Variants in ZC3H12D observed in about 807,000 individuals in gnomAD.
The protein encoded by ZC3H12D is probable ribonuclease ZC3H12D.
Under a neutral mutation model 24.2 loss-of-function variants are expected in ZC3H12D, and 11 were observed. That is an observed-to-expected ratio of 0.46 (90% CI 0.29 to 0.75). The LOEUF is 0.75. ZC3H12D is among the 30% of genes least tolerant of loss of function. The pLI is 0.11. For synonymous variants in ZC3H12D, 333 were observed against 341.8 expected, an observed-to-expected ratio of 0.97 and a Z score of 0.28; for missense variants, 740 against 767.7, an observed-to-expected ratio of 0.96 and a Z score of 0.43.
At chr6:149,480,634 A>G (rs775102188) in intron 1 of ZC3H12D, among the ~76,000 whole-genome samples, 8 of 152,126 alleles carry the variant, frequency 5.3e-5, no homozygotes, top group Non-Finnish European at 8.8e-5. Flanking sequence ...TACTCAGGAG[A>G]CTGAGGCAGG....
rs149766923 is a variant in ZC3H12D at position 149,470,907 on chromosome 6, C to T, written c.305+3332G>A. ...GCAGGGGTGGGCCTTGCCCTCACTG[C>T]GGGGAGTTGTGTTGGGCAGCCCTGG... On this transcript the variant is annotated intron_variant, in intron 2 of 5. Transcript: ENST00000409806. Among the ~76,000 whole-genome samples the T allele has an allele frequency of 3.0e-3, 458 of 152,338 alleles. 2 individuals carry two copies. Among genetic ancestry groups the T allele is most frequent in the African/African-American group, 0.011 (442 of 41,568 alleles).
chr6:149,466,294 G>A (rs555245735), intron 2 of ZC3H12D, among the ~76,000 whole-genome samples: 4 of 151,514 alleles, frequency 2.6e-5, no homozygotes, highest in Admixed American at 6.6e-5. Flanking sequence ...GGGAGGGGGC[G>A]GAGAGGAACC....
At chr6:149,462,629 T>C (rs1303650764) in intron 2 of ZC3H12D, among the ~76,000 whole-genome samples, 1 of 152,142 alleles carries the variant, frequency 6.6e-6, no homozygotes, top group Non-Finnish European at 1.5e-5. Flanking sequence ...TTTGAGTCAG[T>C]GGACTGGGAG....
At chr6:149,467,502 T>C (rs1229192659) in intron 2 of ZC3H12D, among the ~76,000 whole-genome samples, 1 of 152,150 alleles carries the variant, frequency 6.6e-6, no homozygotes, top group African/African-American at 2.4e-5. Context: ...GATCCTCCCA[T>C]GTTGGCCTCC....
chr6:149,460,627 G>A (rs1776057222), intron 3 of ZC3H12D, among the ~76,000 whole-genome samples: 1 of 152,034 alleles, frequency 6.6e-6, no homozygotes, highest in Non-Finnish European at 1.5e-5. Flanking sequence ...CTGAGGTCAG[G>A]AGTTCAAGAC....
intron 1 of ZC3H12D, among the ~76,000 whole-genome samples, chr6:149,477,754 T>C (rs1300097043): frequency 6.6e-6 from 1 of 152,212 alleles, no homozygotes; most frequent in Admixed American, 6.5e-5. Flanking sequence ...TTAAGTGCTA[T>C]GGGAACTCAG....
chr6:149,451,685 G>T (rs573749262), intron 5 of ZC3H12D, among the ~76,000 whole-genome samples: 1 of 152,300 alleles, frequency 6.6e-6, no homozygotes, highest in Non-Finnish European at 1.5e-5. Context: ...GGGGAGAAGT[G>T]CCCGGGAGGC....
At position 149,450,938 on chromosome 6, in the gene ZC3H12D, G is replaced by A; in HGVS notation, c.1329C>T (p.Ser443=). 1 of 1,538,782 alleles carries A rather than the reference G, an allele frequency of 6.5e-7. No homozygotes were observed. Among genetic ancestry groups the A allele is most frequent in the Non-Finnish European group, 8.7e-7 (1 of 1,145,320 alleles). Residue 443 remains serine (S), a synonymous_variant, in exon 6 of 6, where the codon TCC becomes TCT. Transcript: ENST00000409806. ...PDDPWARPPR[S]DRFPGRSVWA... is the part of the protein sequence containing the mutation. Reference sequence around the variant, plus strand: ...AGACGGAGCGCCCAGGGAAGCGGTCGGAGCGGGGTGGACGGGCCCACGGGT... The same window carrying A: ...AGACGGAGCGCCCAGGGAAGCGGTCAGAGCGGGGTGGACGGGCCCACGGGT...
Position 149,456,616 on chromosome 6 carries a change from G to GCCCCCCCCCCCCCCCCCCCCC in ZC3H12D, c.680+49_680+50insGGGGGGGGGGGGGGGGGGGGG. On this transcript the variant is annotated intron_variant, in intron 4 of 5. Transcript: ENST00000409806. The surrounding 1 kb of genome is among the most constrained non-coding windows in gnomAD (Gnocchi z 4.3). ...AGGCGTGGCCACTGCCTCGACCCCGGCCCCCCGCCCCGCCGCCCCCCAGGG... is the reference window on the plus strand; with the variant it reads ...AGGCGTGGCCACTGCCTCGACCCCGGCCCCCCCCCCCCCCCCCCCCCCCCCCCGCCCCGCCGCCCCCCAGGG... The GCCCCCCCCCCCCCCCCCCCCC allele has an allele frequency of 2.7e-6, 3 of 1,130,410 alleles. No individual in the cohort carries two copies. Among genetic ancestry groups the GCCCCCCCCCCCCCCCCCCCCC allele is most frequent in the East Asian group, 2.5e-5 (1 of 39,792 alleles). 70.0% of individuals were successfully genotyped at this position (1,130,410 alleles called of 1,614,324 possible).
chr6:149,466,969 G>T (rs1583189151), intron 2 of ZC3H12D, among the ~76,000 whole-genome samples: 2 of 151,706 alleles, frequency 1.3e-5, no homozygotes, highest in East Asian at 3.9e-4. Flanking sequence ...TTTTTTCAGG[G>T]TCTCCTTCCA....
intron 2 of ZC3H12D, among the ~76,000 whole-genome samples, chr6:149,473,164 C>T (rs1489321335): frequency 3.3e-5 from 5 of 151,806 alleles, no homozygotes; most frequent in African/African-American, 1.2e-4. Flanking sequence ...AAGTACACAC[C>T]GCAAAAAGTG....
rs531822924 is a variant in ZC3H12D at position 149,481,772 on chromosome 6, C to T, written c.-71+3041G>A. ...TCCCGAGGGTGAGGAAACTGAGGCTCGGAAAGTAAAGGCTGCATGGCTAGT... is the reference window on the plus strand; with the variant it reads ...TCCCGAGGGTGAGGAAACTGAGGCTTGGAAAGTAAAGGCTGCATGGCTAGT... On this transcript the variant is annotated intron_variant, in intron 1 of 5. Coordinates refer to ENST00000409806, the MANE Select transcript of ZC3H12D (RefSeq NM_207360.3). Among the ~76,000 whole-genome samples, 4 of 152,198 alleles carry T rather than the reference C, an allele frequency of 2.6e-5. No homozygotes were observed. In the South Asian group the frequency reaches 8.3e-4, roughly 32 times the overall value.
In ZC3H12D at chr6:149,456,879, A is replaced by C; in HGVS notation, c.467T>G (p.Leu156Arg). The change falls in exon 4 of 6, where the codon CTG (leucine) becomes CGG (arginine). Residue 156 changes from leucine (L) to arginine (R), a missense_variant. Physicochemically the swap from Leu to Arg is moderately radical, Grantham distance 102. Coordinates refer to ENST00000409806, the MANE Select transcript of ZC3H12D (RefSeq NM_207360.3). The surrounding 1 kb of genome is among the most constrained non-coding windows in gnomAD (Gnocchi z 4.3). The part of the protein sequence containing the change: ...PIREQHVLAE[L>R]ERQAVLVYTP... The stretch of plus-strand genomic sequence containing the variant: ...GTACACCAGCACCGCCTGCCGCTCC[A>C]GCTCCGCCAGCACGTGCTGCTCTGA... 2 of 1,603,354 alleles carry C rather than the reference A, an allele frequency of 1.2e-6. No individual in the cohort carries two copies. The highest frequency in any genetic ancestry group is 1.7e-6 in the Non-Finnish European group (2 of 1,178,762).
Position 149,461,832 on chromosome 6 carries a change from T to A in ZC3H12D, c.444A>T (p.Arg148Ser). 1.3e-6 allele frequency: 2 copies of A among 1,557,728 alleles called. 1 individual carries two copies. The highest frequency in any genetic ancestry group is 2.4e-5 in the South Asian group (2 of 84,336). The change falls in exon 3 of 6, where the codon AGA (arginine) becomes AGT (serine). Residue 148 changes from arginine to serine, a missense_variant and splice_region_variant. Arg to Ser is a moderately radical substitution (Grantham distance 110). Transcript: ENST00000409806. ...GAGCATACATCTGCTCCAGCATACC[T>A]CTGATAGGGGTGTCAGCTCTTGGTG... is the stretch of plus-strand genomic sequence containing the variant. ...KDPPRADTPI[R>S]EQHVLAELER...
intron 1 of ZC3H12D, among the ~76,000 whole-genome samples, chr6:149,484,522 A>G (rs1197159946): frequency 6.6e-6 from 1 of 152,200 alleles, no homozygotes; most frequent in Non-Finnish European, 1.5e-5. Flanking sequence ...CCCTCTGGTT[A>G]ATCTTTCCCC....
chr6:149,461,866 C>T lies in ZC3H12D; in HGVS notation c.410G>A (p.Arg137Lys). 6.3e-7 allele frequency: 1 copy of T among 1,578,466 alleles called. No individual in the cohort carries two copies. Among genetic ancestry groups the T allele is most frequent in the Non-Finnish European group, 8.6e-7 (1 of 1,161,852 alleles). Residue 137 changes from arginine to lysine, a missense_variant, in exon 3 of 6, where the codon AGG becomes AAG. Transcript: ENST00000409806. ...GGTGTCAGCTCTTGGTGGGTCCTTC[C>T]TCCAGGATGGAACAAAAACTTTGAT... is the stretch of plus-strand genomic sequence containing the variant. ...TYIKVFVPSW[R>K]KDPPRADTPI...
Position 149,456,631 on chromosome 6 carries a change from G to GGCCCCCCCCC in ZC3H12D, c.680+34_680+35insGGGGGGGGGC. On this transcript the variant is annotated intron_variant, in intron 4 of 5. Coordinates refer to ENST00000409806, the MANE Select transcript of ZC3H12D (RefSeq NM_207360.3). The surrounding 1 kb of genome is among the most constrained non-coding windows in gnomAD (Gnocchi z 4.3). ...CTCGACCCCGGCCCCCCGCCCCGCC[G>GGCCCCCCCCC]CCCCCCAGGGTGTCAGGACCCCAGC... The GGCCCCCCCCC allele has an allele frequency of 1.3e-6, 1 of 794,058 alleles. No individual in the cohort carries two copies. Among genetic ancestry groups the GGCCCCCCCCC allele is most frequent in the Non-Finnish European group, 2.1e-6 (1 of 485,338 alleles). 49.2% of individuals were successfully genotyped at this position (794,058 alleles called of 1,614,324 possible).
chr6:149,468,098 C>T (rs535504338), intron 2 of ZC3H12D, among the ~76,000 whole-genome samples: 2 of 152,312 alleles, frequency 1.3e-5, no homozygotes, highest in African/African-American at 4.8e-5. Flanking sequence ...TCTCCTGCCT[C>T]AGCCTCCCGA....
rs12528004 is a variant in ZC3H12D, at chr6:149,449,957, T to G, written c.*726A>C. 8.3e-3 allele frequency: 529 copies of G among 63,798 alleles called. 3 individuals carry two copies. The highest frequency in any genetic ancestry group is 0.029 in the African/African-American group (371 of 12,778). 4.0% of individuals were successfully genotyped at this position (63,798 alleles called of 1,614,324 possible). On this transcript the variant is annotated 3_prime_UTR_variant, in exon 6 of 6. Coordinates refer to ENST00000409806, the MANE Select transcript of ZC3H12D (RefSeq NM_207360.3). ...TGTGTGTGTGTGTGTGTGTGTGTGT[T>G]TGTGTGGTGGGGGTATGTGTGTGAA...
Sources: allele counts gnomAD v4.1 joint callset (sites outside exome capture counted in the v4.1 genomes callset), GRCh38; gene constraint gnomAD v4.1.1; non-coding constraint Gnocchi (gnomAD v3.1); transcripts MANE v1.5; gene names NCBI Gene and HGNC (gene_info 2026-07-23, HGNC 2026-07-21).